Variants in RUNX1 observed in about 807,000 individuals in gnomAD.
RUNX1 encodes the protein runt-related transcription factor 1.
RUNX1 carries 19 observed loss-of-function variants against 42.8 expected under a neutral mutation model. That is an observed-to-expected ratio of 0.44 (90% CI 0.31 to 0.65). The LOEUF (loss-of-function observed/expected upper bound fraction) is 0.65, where lower values mean the gene tolerates loss of function less well. Ranked by LOEUF, RUNX1 falls within the 30% of genes least tolerant of loss-of-function variation. The pLI, the probability that RUNX1 is intolerant of heterozygous loss-of-function variation, is 0.07. For synonymous variants in RUNX1, 271 were observed against 289.4 expected, an observed-to-expected ratio of 0.94 and a Z score of 0.64; for missense variants, 528 against 672.0, an observed-to-expected ratio of 0.79 and a Z score of 2.37.
At chr21:34,966,522 T>A (rs1184237357) in intron 2 of RUNX1, among the ~76,000 whole-genome samples, 1 of 152,118 alleles carries the variant, frequency 6.6e-6, no homozygotes, top group Non-Finnish European at 1.5e-5. Flanking sequence ...GAGGAAGGCG[T>A]GAGGTAGCCC....
intron 3 of RUNX1, chr21:34,889,713 C>G (rs2146436573): frequency 1.7e-6 from 2 of 1,187,604 alleles, no homozygotes; most frequent in East Asian, 5.2e-5. Flanking sequence ...TCCCCCTGCG[C>G]CGGTCCCCGC....
At chr21:34,875,659 C>T (rs566229509) in intron 5 of RUNX1, among the ~76,000 whole-genome samples, 17 of 152,264 alleles carry the variant, frequency 1.1e-4, no homozygotes, top group African/African-American at 3.9e-4. Context: ...TTATATGAAT[C>T]TGTTAATAGA....
At chr21:34,853,521 T>C (rs1184820748) in intron 6 of RUNX1, among the ~76,000 whole-genome samples, 1 of 152,208 alleles carries the variant, frequency 6.6e-6, no homozygotes, top group African/African-American at 2.4e-5. Flanking sequence ...TTAGTTTACA[T>C]GCTGGCTTAC....
At chr21:34,930,040 C>T (rs2058427638) in intron 2 of RUNX1, among the ~76,000 whole-genome samples, 1 of 150,746 alleles carries the variant, frequency 6.6e-6, no homozygotes, top group Admixed American at 6.6e-5. Flanking sequence ...AATTCTTTCT[C>T]TCTCTCCATA....
chr21:34,849,547 G>A (rs1054265094), intron 6 of RUNX1, among the ~76,000 whole-genome samples: 1 of 129,650 alleles, frequency 7.7e-6, no homozygotes, highest in African/African-American at 2.9e-5. Flanking sequence ...GGCTATTCAT[G>A]ACAGCAAATT....
At chr21:34,839,101 G>A (rs2146101781) in intron 6 of RUNX1, among the ~76,000 whole-genome samples, 1 of 152,222 alleles carries the variant, frequency 6.6e-6, no homozygotes, top group Non-Finnish European at 1.5e-5. Flanking sequence ...TTCAGAACTG[G>A]AGAATGGCCA....
intron 2 of RUNX1, among the ~76,000 whole-genome samples, chr21:34,981,129 A>G (rs953144099): frequency 1.3e-5 from 2 of 152,244 alleles, no homozygotes; most frequent in African/African-American, 4.8e-5. Context: ...CCTAAGATCA[A>G]CAACAGCTGA....
intron 5 of RUNX1, among the ~76,000 whole-genome samples, chr21:34,871,243 A>G (rs966130169): frequency 6.6e-6 from 1 of 151,996 alleles, no homozygotes; most frequent in Non-Finnish European, 1.5e-5. Flanking sequence ...ACCTACAGCA[A>G]CTCGTGAGCT....
intron 5 of RUNX1, among the ~76,000 whole-genome samples, chr21:34,874,171 C>G (rs747263856): frequency 6.6e-6 from 1 of 152,000 alleles, no homozygotes; most frequent in Non-Finnish European, 1.5e-5. Context: ...CACACACACA[C>G]GCACACACAC....
intron 2 of RUNX1, among the ~76,000 whole-genome samples, chr21:34,912,791 T>C (rs2058282526): frequency 1.3e-5 from 2 of 152,212 alleles, no homozygotes; most frequent in African/African-American, 4.8e-5. Context: ...ACAGATAGGA[T>C]ATGAACAGAT....
At chr21:34,931,336 T>G (rs995481330) in intron 2 of RUNX1, among the ~76,000 whole-genome samples, 73 of 143,348 alleles carry the variant, frequency 5.1e-4, no homozygotes, top group Middle Eastern at 3.6e-3. Flanking sequence ...ATATACACAT[T>G]TATATATATA....
intron 2 of RUNX1, among the ~76,000 whole-genome samples, chr21:34,909,588 C>CAAAAAAA (rs10584066): frequency 1.5e-4 from 11 of 75,012 alleles, no homozygotes; most frequent in African/African-American, 5.0e-4. Flanking sequence ...CACTGTTCCT[C>CAAAAAAA]AAAAAAAAAA....
chr21:34,913,815 T>C (rs544514242), intron 2 of RUNX1, among the ~76,000 whole-genome samples: 21 of 152,338 alleles, frequency 1.4e-4, no homozygotes, highest in African/African-American at 5.1e-4. Flanking sequence ...AACCGAGGGC[T>C]GTATGGATTA....
chr21:34,925,920 C>A (rs1485393767), intron 2 of RUNX1, among the ~76,000 whole-genome samples: 1 of 151,886 alleles, frequency 6.6e-6, no homozygotes, highest in Non-Finnish European at 1.5e-5. Flanking sequence ...AAGGCTAGTA[C>A]TATAGAGTGC....
chr21:35,024,171 T>C (rs531701130), intron 2 of RUNX1, among the ~76,000 whole-genome samples: 1 of 152,340 alleles, frequency 6.6e-6, no homozygotes, highest in South Asian at 2.1e-4. Context: ...TTTCAGATCC[T>C]GCTCTTCAAG....
At chr21:34,880,510 T>A in intron 5 of RUNX1, 47 bp downstream of exon 5, 2 of 1,597,880 alleles carry the variant, frequency 1.3e-6, no homozygotes, top group Non-Finnish European at 1.7e-6. Context: ...AATGTGGGTT[T>A]GTTGCCATGA....
intron 6 of RUNX1, among the ~76,000 whole-genome samples, chr21:34,845,103 G>C (rs1442864396): frequency 6.6e-6 from 1 of 152,236 alleles, no homozygotes; most frequent in African/African-American, 2.4e-5. Flanking sequence ...TGTGAGGAGG[G>C]AGACCTCTTC....
At chr21:35,035,029 G>A (rs578096563) in intron 2 of RUNX1, among the ~76,000 whole-genome samples, 1 of 152,204 alleles carries the variant, frequency 6.6e-6, no homozygotes, top group Non-Finnish European at 1.5e-5. Flanking sequence ...CGCACTCACT[G>A]GGATAACCCA....
intron 6 of RUNX1, among the ~76,000 whole-genome samples, chr21:34,848,376 C>T (rs1421765241): frequency 1.3e-5 from 2 of 152,240 alleles, no homozygotes; most frequent in Non-Finnish European, 2.9e-5. Flanking sequence ...CTGTGAAACG[C>T]AGTTTTAGAC....
Sources: allele counts gnomAD v4.1 joint callset (sites outside exome capture counted in the v4.1 genomes callset), GRCh38; gene constraint gnomAD v4.1.1; transcripts MANE v1.5; gene names NCBI Gene and HGNC (gene_info 2026-07-23, HGNC 2026-07-21).